Variants in DYRK1A observed in about 807,000 individuals in gnomAD.
The protein encoded by DYRK1A is dual specificity tyrosine phosphorylation regulated kinase 1A, also known as dual specificity tyrosine-phosphorylation-regulated kinase 1A.
DYRK1A carries 9 observed loss-of-function variants against 79.7 expected under a neutral mutation model. The ratio of observed to expected loss-of-function variants is 0.11; its 90% CI spans 0.07 to 0.20. The LOEUF is 0.20. DYRK1A is among the 10% of genes least tolerant of loss of function. The probability of loss-of-function intolerance (pLI) is 1.00; values close to 1 mark genes in which losing one functional copy is unlikely to be tolerated. For missense variants in DYRK1A, 622 were observed against 956.0 expected (o/e 0.65, Z 4.61); for synonymous variants, 349 against 329.7 (o/e 1.06, Z -0.63).
At chr21:37,502,319 T>A (rs900937513) in intron 9 of DYRK1A, 8 of 152,222 alleles carry the variant, frequency 5.3e-5, no homozygotes, top group Admixed American at 5.2e-4. Flanking sequence ...TCTTTCCTGT[T>A]CTTTGTTTCC....
intron 2 of DYRK1A, among the ~76,000 whole-genome samples, chr21:37,470,037 G>A (rs9984928): frequency 0.29 from 44,341 of 152,012 alleles, 6,631 homozygotes; most frequent in South Asian, 0.38. Flanking sequence ...CCAGCTCCTC[G>A]GGAGGCTGAG....
intron 3 of DYRK1A, among the ~76,000 whole-genome samples, chr21:37,474,322 T>C (rs1282346840): frequency 1.3e-5 from 2 of 152,262 alleles, no homozygotes; most frequent in African/African-American, 2.4e-5. Context: ...TTGGATCATA[T>C]AAAATAAGAG....
intron 1 of DYRK1A, among the ~76,000 whole-genome samples, chr21:37,393,108 T>G (rs1291744236): frequency 6.6e-6 from 1 of 152,248 alleles, no homozygotes; most frequent in Non-Finnish European, 1.5e-5. Flanking sequence ...GGGGGACACA[T>G]TCAGACCATA....
intron 9 of DYRK1A, among the ~76,000 whole-genome samples, chr21:37,500,058 C>G (rs2053394729): frequency 6.6e-6 from 1 of 152,112 alleles, no homozygotes; most frequent in Non-Finnish European, 1.5e-5. Flanking sequence ...GGAACCAACC[C>G]CCTGCGTATA....
chr21:37,415,965 CAGACTT>C (rs1284854174), intron 1 of DYRK1A, among the ~76,000 whole-genome samples: 1 of 152,086 alleles, frequency 6.6e-6, no homozygotes, highest in Non-Finnish European at 1.5e-5. Flanking sequence ...GGGCTAAAAT[CAGACTT>C]AGACACTTGG....
intron 1 of DYRK1A, among the ~76,000 whole-genome samples, chr21:37,378,637 C>CTCT (rs2049596248): frequency 6.6e-6 from 1 of 152,144 alleles, no homozygotes; most frequent in African/African-American, 2.4e-5. Context: ...GAAAAGGGGG[C>CTCT]TCTTGTTCTT....
At chr21:37,497,490 A>T (rs1344980861) in intron 9 of DYRK1A, among the ~76,000 whole-genome samples, 1 of 152,072 alleles carries the variant, frequency 6.6e-6, no homozygotes, top group East Asian at 1.9e-4. Context: ...GTAACCAAAA[A>T]CTTAGTCTGG....
At chr21:37,511,782 T>C (rs2053755369) in intron 11 of DYRK1A, 129 bp from the exon 12 acceptor site, 1 of 1,134,036 alleles carries the variant, frequency 8.8e-7, no homozygotes. Context: ...TCTTAACACA[T>C]TAAAAGTTTC....
At chr21:37,462,608 G>A (rs560047247) in intron 2 of DYRK1A, among the ~76,000 whole-genome samples, 143 of 152,200 alleles carry the variant, frequency 9.4e-4, no homozygotes, top group Non-Finnish European at 1.7e-3. Flanking sequence ...TTTGGCCAAA[G>A]AGTCAAGGAG....
At chr21:37,455,723 C>T (rs574480811) in intron 2 of DYRK1A, among the ~76,000 whole-genome samples, 3 of 152,148 alleles carry the variant, frequency 2.0e-5, no homozygotes, top group South Asian at 4.1e-4. Context: ...ATTTGTGGTT[C>T]CTCCTGGTTC....
At chr21:37,416,414 T>TC (rs2050342193) in intron 1 of DYRK1A, among the ~76,000 whole-genome samples, 1 of 148,746 alleles carries the variant, frequency 6.7e-6, no homozygotes. Flanking sequence ...CTTGAAATCC[T>TC]CCTATATAAC....
At chr21:37,430,306 A>G in intron 2 of DYRK1A, 1 of 972,430 alleles carries the variant, frequency 1.0e-6, no homozygotes, top group Non-Finnish European at 1.2e-6. Context: ...CTATACTGGA[A>G]GAACATAGTG....
At chr21:37,498,504 TC>T (rs1386876955) in intron 9 of DYRK1A, among the ~76,000 whole-genome samples, 1 of 152,228 alleles carries the variant, frequency 6.6e-6, no homozygotes, top group Non-Finnish European at 1.5e-5. Flanking sequence ...TTTTGGAAAA[TC>T]ATCAATATTG....
intron 5 of DYRK1A, among the ~76,000 whole-genome samples, chr21:37,485,923 G>C (rs2052846843): frequency 1.3e-5 from 2 of 151,166 alleles, no homozygotes; most frequent in African/African-American, 2.4e-5. Flanking sequence ...ATTTGTGTTT[G>C]ATTTTTTTTT....
At chr21:37,408,954 G>A (rs1164537371) in intron 1 of DYRK1A, among the ~76,000 whole-genome samples, 1 of 152,194 alleles carries the variant, frequency 6.6e-6, no homozygotes, top group African/African-American at 2.4e-5. Flanking sequence ...GGGCAGAGTG[G>A]GGTTAGGGTG....
chr21:37,405,195 C>G (rs1035841144), intron 1 of DYRK1A, among the ~76,000 whole-genome samples: 1 of 152,020 alleles, frequency 6.6e-6, no homozygotes, highest in Non-Finnish European at 1.5e-5. Context: ...GCAGTTGAAC[C>G]CCGCTTCCCA....
intron 1 of DYRK1A, among the ~76,000 whole-genome samples, chr21:37,405,022 A>G (rs943538814): frequency 1.3e-5 from 2 of 152,230 alleles, no homozygotes; most frequent in African/African-American, 4.8e-5. Flanking sequence ...CTCAGAAAGT[A>G]CAGAATCTAA....
rs866763980 is a variant in DYRK1A, at chr21:37,407,351, G to C, written c.-76-12948G>C. On this transcript the variant is annotated intron_variant, in intron 1 of 11. Transcript: ENST00000647188. ...GGCTGTAACCCATCATATGAGTTCA[G>C]GTGTGGAGTTTTTCACTGGTGGCAT... 9.9e-5 allele frequency among the ~76,000 whole-genome samples: 15 copies of C among 152,216 alleles called. No individual in the cohort carries two copies. In the South Asian group the frequency reaches 2.9e-3, roughly 29 times the overall value.
chr21:37,387,763 G>T (rs1259749398), intron 1 of DYRK1A, among the ~76,000 whole-genome samples: 1 of 152,144 alleles, frequency 6.6e-6, no homozygotes, highest in Non-Finnish European at 1.5e-5. Context: ...TTGAGATACG[G>T]TCAGAAAATA....
Sources: allele counts gnomAD v4.1 joint callset (sites outside exome capture counted in the v4.1 genomes callset), GRCh38; gene constraint gnomAD v4.1.1; transcripts MANE v1.5; gene names NCBI Gene and HGNC (gene_info 2026-07-23, HGNC 2026-07-21).